Variants in CCDC33 observed in about 807,000 individuals in gnomAD.
CCDC33 encodes coiled-coil domain-containing protein 33.
A neutral mutation model predicts 91.9 loss-of-function variants in CCDC33; 94 were observed. That is an observed-to-expected ratio of 1.02 (90% confidence interval 0.87 to 1.21). CCDC33 has a LOEUF of 1.21. Ranked by LOEUF, CCDC33 falls within the 50% of genes most tolerant of loss-of-function variation. CCDC33 has a pLI of 0.00. For missense variants in CCDC33, 940 were observed against 935.5 expected, an observed-to-expected ratio of 1.00 and a Z score of -0.06; for synonymous variants, 396 against 374.5, an observed-to-expected ratio of 1.06 and a Z score of -0.66.
At chr15:74,254,766 A>G (rs866414096) in intron 2 of CCDC33, among the ~76,000 whole-genome samples, 1,230 of 72,612 alleles carry the variant, frequency 0.017, 34 homozygotes, top group African/African-American at 0.11. Context: ...TTTTTTTTTG[A>G]GACGGAGTTT....
At chr15:74,286,708 C>G (rs953507710) in intron 10 of CCDC33, among the ~76,000 whole-genome samples, 1 of 152,168 alleles carries the variant, frequency 6.6e-6, no homozygotes, top group Non-Finnish European at 1.5e-5. Context: ...GATAGGGCAC[C>G]AGGCAGAAGT....
chr15:74,307,436 C>A (rs2059911428), intron 11 of CCDC33, among the ~76,000 whole-genome samples: 1 of 152,160 alleles, frequency 6.6e-6, no homozygotes, highest in South Asian at 2.1e-4. Flanking sequence ...GGGAGAGGAA[C>A]CTGCTGATAG....
chr15:74,283,265 G>A (rs1025286774), intron 10 of CCDC33, among the ~76,000 whole-genome samples: 1 of 152,206 alleles, frequency 6.6e-6, no homozygotes, highest in Admixed American at 6.5e-5. Flanking sequence ...ACCCTCCGGG[G>A]CCTCTTCCCA....
At chr15:74,333,993 G>A (rs1254208549) in intron 17 of CCDC33, 26 bp downstream of exon 17, 1 of 1,588,100 alleles carries the variant, frequency 6.3e-7, no homozygotes, top group Non-Finnish European at 8.6e-7. Flanking sequence ...GAGTTGATGA[G>A]GCTGGATCAG....
intron 1 of CCDC33, among the ~76,000 whole-genome samples, chr15:74,204,951 A>AGAAAG (rs1366455808): frequency 1.3e-5 from 2 of 152,162 alleles, no homozygotes; most frequent in African/African-American, 4.8e-5. Flanking sequence ...AAAGAAAGAA[A>AGAAAG]GAAAGAAAAG....
At chr15:74,254,628 A>G (rs2075804247) in intron 2 of CCDC33, among the ~76,000 whole-genome samples, 1 of 150,906 alleles carries the variant, frequency 6.6e-6, no homozygotes, top group Admixed American at 6.6e-5. Flanking sequence ...CCCTCTCCTG[A>G]TTTTCTACCC....
At chr15:74,335,821 G>A (rs1277737798) in intron 18 of CCDC33, 104 bp from the exon 19 acceptor site, 2 of 872,296 alleles carry the variant, frequency 2.3e-6, no homozygotes, top group Admixed American at 4.3e-5. Flanking sequence ...ATGGCCCACT[G>A]GATTCTGGAT....
intron 7 of CCDC33, among the ~76,000 whole-genome samples, chr15:74,276,603 C>CTG: frequency 6.6e-6 from 1 of 152,324 alleles, no homozygotes; most frequent in Non-Finnish European, 1.5e-5. Context: ...CCCTGCCTAG[C>CTG]CCTTCCCCTG....
intron 11 of CCDC33, among the ~76,000 whole-genome samples, chr15:74,298,038 A>C (rs575448763): frequency 7.2e-5 from 11 of 152,362 alleles, no homozygotes; most frequent in Non-Finnish European, 1.3e-4. Flanking sequence ...AGGAGGGGGA[A>C]GTACCCAGCC....
At chr15:74,318,693 A>G (rs375523021) in intron 11 of CCDC33, 5 of 747,230 alleles carry the variant, frequency 6.7e-6, no homozygotes, top group African/African-American at 3.5e-5. Context: ...TTCTGGGAAG[A>G]TGGGTTGGCT....
chr15:74,213,852 A>G (rs2142129439), upstream of CCDC33, among the ~76,000 whole-genome samples: 1 of 152,188 alleles, frequency 6.6e-6, no homozygotes, highest in East Asian at 1.9e-4. Flanking sequence ...AGGGTGGAGC[A>G]GTGATGATCG....
chr15:74,228,283 C>T (rs902852702), intron 2 of CCDC33, among the ~76,000 whole-genome samples: 1 of 152,140 alleles, frequency 6.6e-6, no homozygotes, highest in African/African-American at 2.4e-5. Flanking sequence ...CCTTCTCTGC[C>T]CCCTCCAGCT....
rs1158910573 is a variant in CCDC33, at chr15:74,236,672, C to T, written c.-48C>T. ...TGATCACCCACTGATACCAAGTACT[C>T]ATCCCCAAGATTGTTAAACAAGGCC... On this transcript the variant is annotated 5_prime_UTR_variant, in exon 1 of 19. Transcript: ENST00000398814. 3.1e-6 allele frequency: 5 copies of T among 1,599,210 alleles called. No individual in the cohort carries two copies. The highest frequency in any genetic ancestry group is 3.4e-5 in the Admixed American group (2 of 59,148).
upstream of CCDC33, among the ~76,000 whole-genome samples, chr15:74,214,669 G>T (rs976284005): frequency 1.3e-5 from 2 of 152,178 alleles, no homozygotes; most frequent in Non-Finnish European, 2.9e-5. Context: ...CTGAGCATCA[G>T]GGTTTCTGCC....
intron 2 of CCDC33, among the ~76,000 whole-genome samples, chr15:74,252,311 G>A (rs771776669): frequency 6.6e-6 from 1 of 152,160 alleles, no homozygotes; most frequent in Non-Finnish European, 1.5e-5. Context: ...ACCCCTGAAG[G>A]CAGGGATCTG....
At chr15:74,309,986 A>G (rs571007903) in intron 11 of CCDC33, among the ~76,000 whole-genome samples, 2 of 152,086 alleles carry the variant, frequency 1.3e-5, no homozygotes, top group Non-Finnish European at 2.9e-5. Context: ...CGTCTCCACA[A>G]AATTTTTTTA....
intron 2 of CCDC33, among the ~76,000 whole-genome samples, chr15:74,229,485 C>A (rs1173101746): frequency 2.0e-5 from 3 of 152,072 alleles, no homozygotes; most frequent in Non-Finnish European, 4.4e-5. Flanking sequence ...AATTGAGACA[C>A]CGTCTCAAAA....
At chr15:74,217,132 A>G (rs1407681431), upstream of CCDC33, 4 of 479,832 alleles carry the variant, frequency 8.3e-6, no homozygotes, top group Non-Finnish European at 1.3e-5. Flanking sequence ...CTGCCTTGTT[A>G]CCTGGTTTCT....
chr15:74,255,700 G>A (rs899811981), intron 2 of CCDC33, among the ~76,000 whole-genome samples: 1 of 152,250 alleles, frequency 6.6e-6, no homozygotes, highest in Non-Finnish European at 1.5e-5. Flanking sequence ...ATGGGACAGA[G>A]AGACCAGGGG....
Sources: gnomAD v4.1 joint callset for allele counts (sites outside exome capture counted in the v4.1 genomes callset) on GRCh38, gnomAD v4.1.1 for gene constraint, MANE v1.5 for transcripts, NCBI Gene and HGNC (gene_info 2026-07-23, HGNC 2026-07-21) for gene names.